The following LRFN5 variants were observed in gnomAD, a reference collection of about 807,000 sequenced individuals.
LRFN5 encodes leucine rich repeat and fibronectin type III domain containing 5.
A neutral mutation model predicts 45.6 loss-of-function variants in LRFN5; 24 were observed. The ratio of observed to expected loss-of-function variants is 0.53; its 90% CI spans 0.38 to 0.74. LRFN5 has a LOEUF of 0.74. Among genes scored for constraint, LRFN5 ranks in the 30% least tolerant of loss-of-function variants. The pLI is 0.00. For synonymous variants in LRFN5, 340 were observed against 313.8 expected, an observed-to-expected ratio of 1.08 and a Z score of -0.88; for missense variants, 776 against 861.5, an observed-to-expected ratio of 0.90 and a Z score of 1.24.
Position 41,742,312 on chromosome 14 carries a change from T to TACACACAC in LRFN5, c.-196-24515_-196-24508dup, listed in dbSNP as rs61109523. On this transcript the variant is annotated intron_variant, in intron 1 of 5. Coordinates refer to ENST00000298119, the MANE Select transcript of LRFN5 (RefSeq NM_152447.5). ...ATTAATGAAGAAAATGTGGTGTGTA[T>TACACACAC]ACACACACACACACACACACACACA... 1.0e-3 allele frequency among the ~76,000 whole-genome samples: 146 copies of TACACACAC among 145,244 alleles called. 1 individual carries two copies. Among genetic ancestry groups the TACACACAC allele is most frequent in the African/African-American group, 2.8e-3 (112 of 39,920 alleles).
intron 2 of LRFN5, among the ~76,000 whole-genome samples, chr14:41,858,499 A>C: frequency 6.7e-6 from 1 of 148,238 alleles, no homozygotes; most frequent in Admixed American, 6.7e-5. Context: ...TGCTCTAGTA[A>C]GTTTTTTTTT....
intron 2 of LRFN5, among the ~76,000 whole-genome samples, chr14:41,786,753 C>T (rs1194148583): frequency 1.3e-5 from 2 of 151,920 alleles, no homozygotes; most frequent in African/African-American, 4.8e-5. Context: ...TGTTGAACTG[C>T]TCTGGAGTCT....
chr14:41,616,236 A>G (rs1476895883), intron 1 of LRFN5, among the ~76,000 whole-genome samples: 1 of 152,144 alleles, frequency 6.6e-6, no homozygotes, highest in Non-Finnish European at 1.5e-5. Context: ...TGGCTGCATC[A>G]TGAGCTGTCT....
intron 1 of LRFN5, among the ~76,000 whole-genome samples, chr14:41,671,050 T>C (rs1230371616): frequency 6.6e-6 from 1 of 151,782 alleles, no homozygotes; most frequent in Non-Finnish European, 1.5e-5. Context: ...AATATAAAAT[T>C]AATATTTAAT....
At chr14:41,857,777 A>G (rs541620839) in intron 2 of LRFN5, among the ~76,000 whole-genome samples, 80 of 152,358 alleles carry the variant, frequency 5.3e-4, no homozygotes, top group Admixed American at 7.8e-4. Context: ...TTATTAGACG[A>G]TAAGAAGATA....
intron 2 of LRFN5, among the ~76,000 whole-genome samples, chr14:41,864,743 ATAC>A (rs1455996235): frequency 1.3e-5 from 2 of 152,284 alleles, no homozygotes; most frequent in East Asian, 1.9e-4. Context: ...TTGTTTACAT[ATAC>A]TACATTAGTG....
chr14:41,780,370 A>T (rs2138914585), intron 2 of LRFN5, among the ~76,000 whole-genome samples: 1 of 144,476 alleles, frequency 6.9e-6, no homozygotes, highest in African/African-American at 2.6e-5. Context: ...CTGTTAGGTG[A>T]ATTCATGTTA....
chr14:41,651,028 G>C (rs1472057604), intron 1 of LRFN5, among the ~76,000 whole-genome samples: 1 of 152,000 alleles, frequency 6.6e-6, no homozygotes, highest in African/African-American at 2.4e-5. Context: ...TCTTCCTTGT[G>C]TTTTTCTATA....
chr14:41,844,436 C>CA (rs35445324), intron 2 of LRFN5, among the ~76,000 whole-genome samples: 46,058 of 138,414 alleles, frequency 0.33, 9,330 homozygotes, highest in East Asian at 0.72. Context: ...GACTCCGTCT[C>CA]AAAAAAAAAA....
chr14:41,758,964 T>G (rs1885531733), intron 1 of LRFN5, among the ~76,000 whole-genome samples: 1 of 152,172 alleles, frequency 6.6e-6, no homozygotes, highest in African/African-American at 2.4e-5. Context: ...AAAAATGTAA[T>G]TTGTTGTATG....
intron 1 of LRFN5, among the ~76,000 whole-genome samples, chr14:41,729,753 C>T (rs1241187372): frequency 1.3e-5 from 2 of 151,788 alleles, no homozygotes; most frequent in Admixed American, 6.6e-5. Flanking sequence ...TTTTTGCACC[C>T]CTCTTTTAAA....
At chr14:41,644,105 T>C (rs767587797) in intron 1 of LRFN5, among the ~76,000 whole-genome samples, 3 of 152,226 alleles carry the variant, frequency 2.0e-5, no homozygotes, top group African/African-American at 4.8e-5. Flanking sequence ...AGTGTGTTTT[T>C]GTTTCTGATA....
At chr14:41,678,393 A>C (rs78219357) in intron 1 of LRFN5, among the ~76,000 whole-genome samples, 1 of 152,124 alleles carries the variant, frequency 6.6e-6, no homozygotes, top group East Asian at 1.9e-4. Context: ...GCCCAAATTT[A>C]TGAAGCAAAA....
At chr14:41,823,067 T>C (rs1888176158) in intron 2 of LRFN5, among the ~76,000 whole-genome samples, 2 of 151,804 alleles carry the variant, frequency 1.3e-5, no homozygotes, top group African/African-American at 4.9e-5. Flanking sequence ...CAGCATATGG[T>C]TGAATCTTTT....
At chr14:41,672,365 T>C (rs1365092767) in intron 1 of LRFN5, among the ~76,000 whole-genome samples, 1 of 152,210 alleles carries the variant, frequency 6.6e-6, no homozygotes, top group Non-Finnish European at 1.5e-5. Flanking sequence ...TCTATTCTTT[T>C]TTCAGAACAT....
intron 4 of LRFN5, chr14:41,892,751 C>T: frequency 3.0e-6 from 3 of 985,260 alleles, no homozygotes; most frequent in Non-Finnish European, 3.6e-6. Context: ...CTATGATACA[C>T]CTTTTTCAGT....
intron 2 of LRFN5, among the ~76,000 whole-genome samples, chr14:41,788,377 T>G (rs1886803427): frequency 1.3e-5 from 2 of 152,218 alleles, no homozygotes; most frequent in South Asian, 2.1e-4. Context: ...TTTTCTGGTT[T>G]TTTGTCCTTA....
intron 1 of LRFN5, among the ~76,000 whole-genome samples, chr14:41,683,262 TA>T (rs1881983310): frequency 6.6e-6 from 1 of 152,130 alleles, no homozygotes. Flanking sequence ...TTGATAAAAT[TA>T]AACATCTCTT....
intron 1 of LRFN5, among the ~76,000 whole-genome samples, chr14:41,717,974 G>A (rs1182017803): frequency 1.3e-5 from 2 of 152,032 alleles, no homozygotes; most frequent in Non-Finnish European, 2.9e-5. Flanking sequence ...CTCATTTTTT[G>A]TGTTGTTCTT....
Sources: gnomAD v4.1 joint callset for allele counts (sites outside exome capture counted in the v4.1 genomes callset) on GRCh38, gnomAD v4.1.1 for gene constraint, MANE v1.5 for transcripts, NCBI Gene and HGNC (gene_info 2026-07-23, HGNC 2026-07-21) for gene names.